The following CEP20 variants were observed in gnomAD, a reference collection of about 807,000 sequenced individuals.
CEP20 encodes the protein centrosomal protein 20, also known as FGFR1OP N-terminal like.
Under a neutral mutation model 20.0 loss-of-function variants are expected in CEP20, and 18 were observed. The observed-to-expected ratio is 0.90, with a 90% CI of 0.62 to 1.34. CEP20 has a LOEUF of 1.34. CEP20 is among the 40% of genes most tolerant of loss of function. CEP20 has a pLI of 0.00. For synonymous variants in CEP20, 77 were observed against 73.7 expected, an observed-to-expected ratio of 1.04 and a Z score of -0.23; for missense variants, 215 against 201.6, an observed-to-expected ratio of 1.07 and a Z score of -0.40.
At chr16:15,878,297 G>A (rs1195246286) in intron 3 of CEP20, among the ~76,000 whole-genome samples, 1 of 152,124 alleles carries the variant, frequency 6.6e-6, no homozygotes, top group African/African-American at 2.4e-5. Flanking sequence ...TCAGAAATCA[G>A]GTGTGAGCAG....
In CEP20 at chr16:15,867,476, A is replaced by G; in HGVS notation, c.489T>C (p.Ile163=). The change falls in exon 5 of 5, where the codon ATT becomes ATC. Residue 163 remains isoleucine (I), a synonymous_variant. Transcript: ENST00000255759. ...CTGCCTGAGAAACATGAAGATCTTCAATGTTAGTACTTTTCTGTTCCTCCT... is the reference window on the plus strand; with the variant it reads ...CTGCCTGAGAAACATGAAGATCTTCGATGTTAGTACTTTTCTGTTCCTCCT... ...LRKEEQKSTN[I]EDLHVSQAVN... 6.2e-7 allele frequency: 1 copy of G among 1,604,366 alleles called. No homozygotes were observed. The highest frequency in any genetic ancestry group is 8.5e-7 in the Non-Finnish European group (1 of 1,173,672).
chr16:15,888,409 A>T lies in CEP20; in HGVS notation c.28+149T>A. On this transcript the variant is annotated intron_variant, in intron 1 of 4. Coordinates refer to ENST00000255759, the MANE Select transcript of CEP20 (RefSeq NM_144600.4). ...CTCCCCGCGCACGGGCCAAGACAGC[A>T]GCCAGACGCTCCCCGCAGGCCCTCA... The T allele has an allele frequency of 4.6e-6, 5 of 1,084,662 alleles. No individual in the cohort carries two copies. The South Asian group carries it at 7.1e-5, about 15-fold the overall frequency. The allele number at this position is 1,084,662 out of a possible 1,614,324, so 67.2% of individuals were successfully genotyped here.
intron 1 of CEP20, among the ~76,000 whole-genome samples, chr16:15,886,918 A>G (rs1290652501): frequency 7.3e-6 from 1 of 137,016 alleles, no homozygotes; most frequent in African/African-American, 2.7e-5. Context: ...TTTTTTTTTG[A>G]GACAAGGTCT....
chr16:15,884,882 GTC>G (rs1156582073), intron 1 of CEP20: 2 of 152,138 alleles, frequency 1.3e-5, no homozygotes, highest in Non-Finnish European at 2.9e-5. Context: ...TTAAGCCCCA[GTC>G]TCTCATATAT....
intron 1 of CEP20, among the ~76,000 whole-genome samples, chr16:15,888,177 C>CTATT (rs1185684044): frequency 6.6e-6 from 1 of 151,724 alleles, no homozygotes; most frequent in Non-Finnish European, 1.5e-5. Flanking sequence ...GTGCCTAACC[C>CTATT]AATAGGGGTT....
chr16:15,880,159 A>G (rs1459540056), intron 2 of CEP20, among the ~76,000 whole-genome samples: 1 of 152,204 alleles, frequency 6.6e-6, no homozygotes, highest in African/African-American at 2.4e-5. Context: ...TCCAAATTAT[A>G]ATACTAAATT....
chr16:15,879,618 T>C (rs899677739), intron 3 of CEP20, among the ~76,000 whole-genome samples, 186 bp downstream of exon 3: 1 of 152,154 alleles, frequency 6.6e-6, no homozygotes, highest in Non-Finnish European at 1.5e-5. Context: ...TCTGAAGCCA[T>C]GTAATTGTAG....
At chr16:15,867,992 A>T (rs1324138839) in intron 4 of CEP20, among the ~76,000 whole-genome samples, 1 of 151,398 alleles carries the variant, frequency 6.6e-6, no homozygotes, top group African/African-American at 2.4e-5. Flanking sequence ...AAAAAAAAAA[A>T]AGAAAGAAAT....
chr16:15,871,271 TAATAA>T (rs1324539015), intron 4 of CEP20, among the ~76,000 whole-genome samples: 5 of 150,386 alleles, frequency 3.3e-5, no homozygotes, highest in African/African-American at 4.9e-5. Context: ...TAAATAATAA[TAATAA>T]AATAAAATAA....
At position 15,884,047 on chromosome 16, in the gene CEP20, A is replaced by G. The variant is rs2045177742; in HGVS notation, c.187T>C (p.Phe63Leu). 1 of 1,613,802 alleles carries G rather than the reference A, an allele frequency of 6.2e-7. No homozygotes were observed. Residue 63 changes from phenylalanine to leucine, a missense_variant, in exon 2 of 5, where the codon TTC becomes CTC. Transcript: ENST00000255759. ...GATGCTGTATACTTATATTTGTTGA[A>G]TTCTAAATACTCTCGAATTAATTCA... is the stretch of plus-strand genomic sequence containing the variant. Reference protein sequence around the residue: ...INELIREYLEFNKYKYTASVL... With the variant: ...INELIREYLELNKYKYTASVL...
chr16:15,885,111 T>C (rs72773993), intron 1 of CEP20: 26,739 of 151,462 alleles, frequency 0.18, 2,266 homozygotes, highest in African/African-American at 0.22. Context: ...TGAGACCATC[T>C]TGGCTAACAA....
rs558878001 is a variant in CEP20, at chr16:15,881,985, G to A, written c.226+2023C>T. Among the ~76,000 whole-genome samples the A allele has an allele frequency of 1.5e-4, 23 of 152,268 alleles. No homozygotes were observed. In the East Asian group the frequency reaches 4.4e-3, roughly 29 times the overall value. Reference sequence around the variant, plus strand: ...CTCATGTTGCAACGCACTCCCCAGTGTTGGAAGTGGGACCTGGCGGGAGTT... The same window carrying A: ...CTCATGTTGCAACGCACTCCCCAGTATTGGAAGTGGGACCTGGCGGGAGTT... On this transcript the variant is annotated intron_variant, in intron 2 of 4. Coordinates refer to ENST00000255759, the MANE Select transcript of CEP20 (RefSeq NM_144600.4).
At chr16:15,869,460 A>G (rs886865408) in intron 4 of CEP20, among the ~76,000 whole-genome samples, 10 of 151,706 alleles carry the variant, frequency 6.6e-5, no homozygotes, top group African/African-American at 2.4e-4. Context: ...ACAGGCGTAC[A>G]CCACCACGTC....
Position 15,873,411 on chromosome 16 carries a change from G to A in CEP20, c.448+80C>T, listed in dbSNP as rs1000341967. 4.6e-6 allele frequency: 7 copies of A among 1,522,158 alleles called. No homozygotes were observed. In the African/African-American group the frequency reaches 7.0e-5, roughly 15 times the overall value. 94.3% of individuals were successfully genotyped at this position (1,522,158 alleles called of 1,614,324 possible). The stretch of plus-strand genomic sequence containing the variant: ...AATTAAACTATGACTCAAAAGCTCA[G>A]TAAAGACTCCAAAAGAAAAATATAT... On this transcript the variant is annotated intron_variant, in intron 4 of 4. Coordinates refer to ENST00000255759, the MANE Select transcript of CEP20 (RefSeq NM_144600.4).
In CEP20 at chr16:15,873,535, G is replaced by A. The variant is rs757411696; in HGVS notation, c.404C>T (p.Ser135Leu). Residue 135 changes from serine to leucine, a missense_variant, in exon 4 of 5, where the codon TCA becomes TTA. Physicochemically the swap from Ser to Leu is moderately radical, Grantham distance 145. Coordinates refer to ENST00000255759, the MANE Select transcript of CEP20 (RefSeq NM_144600.4). ...AFLKGPSLQP[S>L]DPSLGRQPSR... ...AGGTTGTCTGCCAAGACTTGGGTCT[G>A]AAGGCTGAAGTGAAGGCCCTTTCAG... is the stretch of plus-strand genomic sequence containing the variant. The A allele has an allele frequency of 6.2e-7, 1 of 1,614,052 alleles. No homozygotes were observed. The highest frequency in any genetic ancestry group is 1.7e-5 in the Admixed American group (1 of 60,008).
intron 3 of CEP20, among the ~76,000 whole-genome samples, chr16:15,879,267 T>TTTTG (rs10696093): frequency 7.3e-4 from 97 of 132,364 alleles, no homozygotes; most frequent in African/African-American, 2.7e-3. Context: ...TTTGTTTTTG[T>TTTTG]TTTTGTTTTA....
At chr16:15,871,607 T>C (rs991243829) in intron 4 of CEP20, among the ~76,000 whole-genome samples, 1 of 152,208 alleles carries the variant, frequency 6.6e-6, no homozygotes, top group East Asian at 1.9e-4. Context: ...AGCAATCAAA[T>C]GTGCTGATTC....
Position 15,888,550 on chromosome 16 carries a change from G to A in CEP20, c.28+8C>T. ...TTCCCATGTGGAGGCCTCCCTGCTC[G>A]CACTCACCAGCCTTCAACTCTGCCA... is the stretch of plus-strand genomic sequence containing the variant. On this transcript the variant is annotated splice_region_variant and intron_variant, in intron 1 of 4. Coordinates refer to ENST00000255759, the MANE Select transcript of CEP20 (RefSeq NM_144600.4). 1.2e-6 allele frequency: 2 copies of A among 1,614,048 alleles called. No individual in the cohort carries two copies. Among genetic ancestry groups the A allele is most frequent in the Non-Finnish European group, 1.7e-6 (2 of 1,179,968 alleles).
chr16:15,883,657 C>T (rs1330920916), intron 2 of CEP20, among the ~76,000 whole-genome samples: 1 of 152,064 alleles, frequency 6.6e-6, no homozygotes, highest in Non-Finnish European at 1.5e-5. Context: ...GAGCCACCTA[C>T]CCAGCCTATT....
Sources: allele counts gnomAD v4.1 joint callset (sites outside exome capture counted in the v4.1 genomes callset), GRCh38; gene constraint gnomAD v4.1.1; transcripts MANE v1.5; gene names NCBI Gene and HGNC (gene_info 2026-07-23, HGNC 2026-07-21).